ZC3H3: variants seen among roughly 807,000 people sequenced by gnomAD.
The protein encoded by ZC3H3 is zinc finger CCCH domain-containing protein 3.
ZC3H3 carries 36 observed loss-of-function variants against 77.3 expected under a neutral mutation model. The observed-to-expected ratio is 0.47, with a 90% CI of 0.36 to 0.61. The LOEUF is 0.61. Among genes scored for constraint, ZC3H3 ranks in the 20% least tolerant of loss-of-function variants. The probability of loss-of-function intolerance (pLI) is 0.00; values close to 1 mark genes in which losing one functional copy is unlikely to be tolerated. For synonymous variants in ZC3H3, 626 were observed against 555.2 expected (o/e 1.13, Z -1.79); for missense variants, 1,331 against 1,312.2 (o/e 1.01, Z -0.22).
rs1209998944 is a variant in ZC3H3 at position 143,538,068 on chromosome 8, C to T, written c.1299G>A (p.Glu433=). 4 of 1,612,854 alleles carry T rather than the reference C, an allele frequency of 2.5e-6. 1 individual carries two copies. The South Asian group carries it at 4.4e-5, about 18-fold the overall frequency. Reference sequence around the variant, plus strand: ...TCACTTTGTAAGCCGAGAGCGGGGTCTCCCCAGAGAGGGGCTTCAAGCCAC... The same window carrying T: ...TCACTTTGTAAGCCGAGAGCGGGGTTTCCCCAGAGAGGGGCTTCAAGCCAC... The part of the protein sequence containing the change: ...GHSGLKPLSG[E]TPLSAYKVKS... Residue 433 remains glutamate (E), a synonymous_variant, in exon 2 of 12, where the codon GAG becomes GAA. Transcript: ENST00000262577.
rs1352668304 is a variant in ZC3H3 at position 143,530,831 on chromosome 8, C to T, written c.1561+5426G>A. ...TCAGACTCCAAAAAGGTTTTCTTCT[C>T]TTCTGCCCAAATGCCCCCTCTAGCA... On this transcript the variant is annotated intron_variant, in intron 3 of 11. Transcript: ENST00000262577. This position sits in a 1 kb window ranked among gnomAD's most constrained non-coding sequence, Gnocchi z 4.3. Among the ~76,000 whole-genome samples, 1 of 152,144 alleles carries T rather than the reference C, an allele frequency of 6.6e-6. No homozygotes were observed. The highest frequency in any genetic ancestry group is 2.4e-5 in the African/African-American group (1 of 41,416).
chr8:143,478,384 G>A (rs559934632), intron 4 of ZC3H3, among the ~76,000 whole-genome samples: 601 of 152,306 alleles, frequency 3.9e-3, no homozygotes, highest in Non-Finnish European at 6.6e-3. Flanking sequence ...GAGGCATCAG[G>A]GCCTCTGGGG....
At chr8:143,472,083 C>G (rs887492677) in intron 5 of ZC3H3, among the ~76,000 whole-genome samples, 1 of 152,254 alleles carries the variant, frequency 6.6e-6, no homozygotes, top group Admixed American at 6.5e-5. Flanking sequence ...GGCGGGCCTC[C>G]CCAGGGGCAG....
chr8:143,485,958 G>A (rs1185862459), intron 4 of ZC3H3, among the ~76,000 whole-genome samples: 1 of 152,250 alleles, frequency 6.6e-6, no homozygotes, highest in Non-Finnish European at 1.5e-5. Context: ...CAAGGCCACG[G>A]GCCAGCCACA....
chr8:143,441,796 C>T (rs746126409), intron 9 of ZC3H3, among the ~76,000 whole-genome samples: 5 of 152,194 alleles, frequency 3.3e-5, no homozygotes, highest in Non-Finnish European at 5.9e-5. Flanking sequence ...CTTCCTCTGC[C>T]CACCCCTCCC....
At chr8:143,485,416 T>C (rs1168928897) in intron 4 of ZC3H3, among the ~76,000 whole-genome samples, 3 of 152,128 alleles carry the variant, frequency 2.0e-5, no homozygotes, top group African/African-American at 7.2e-5. Context: ...GAACAGCCCA[T>C]ACATCTGCTC....
intron 5 of ZC3H3, 103 bp from the exon 6 acceptor site, chr8:143,468,762 A>C: frequency 7.1e-7 from 1 of 1,412,078 alleles, no homozygotes; most frequent in Non-Finnish European, 9.4e-7. Flanking sequence ...CCCAACACTC[A>C]GCTCAGGCAC....
At chr8:143,465,656 T>C (rs1030494103) in intron 9 of ZC3H3, 61 bp downstream of exon 9, 15 of 1,596,330 alleles carry the variant, frequency 9.4e-6, no homozygotes, top group Non-Finnish European at 1.3e-5. Flanking sequence ...TACCCAGGAG[T>C]GAGCAGAGGA....
intron 3 of ZC3H3, among the ~76,000 whole-genome samples, chr8:143,535,037 C>T (rs1027693875): frequency 1.2e-4 from 18 of 152,000 alleles, no homozygotes; most frequent in Admixed American, 7.2e-4. Flanking sequence ...GATGACGGTA[C>T]GCTTGGCTGG....
chr8:143,486,499 G>A (rs915856225), intron 4 of ZC3H3, among the ~76,000 whole-genome samples: 24 of 152,192 alleles, frequency 1.6e-4, no homozygotes, highest in Admixed American at 3.3e-4. Context: ...GGCCAAACAC[G>A]TATAATCCCA....
intron 9 of ZC3H3, among the ~76,000 whole-genome samples, chr8:143,451,597 A>G (rs953954879): frequency 2.6e-5 from 4 of 152,000 alleles, no homozygotes; most frequent in African/African-American, 9.7e-5. Flanking sequence ...CAGCCTGGCC[A>G]ACATGGTGAC....
rs3058418 is a variant in ZC3H3, at chr8:143,530,956, C to CTTTT, written c.1561+5297_1561+5300dup. 3.7e-5 allele frequency among the ~76,000 whole-genome samples: 5 copies of CTTTT among 133,536 alleles called. No homozygotes were observed. The highest frequency in any genetic ancestry group is 6.4e-5 in the Non-Finnish European group (4 of 62,622). 87.6% of individuals were successfully genotyped at this position (133,536 alleles called of 152,430 possible). On this transcript the variant is annotated intron_variant, in intron 3 of 11. Coordinates refer to ENST00000262577, the MANE Select transcript of ZC3H3 (RefSeq NM_015117.3). The surrounding 1 kb of genome is among the most constrained non-coding windows in gnomAD (Gnocchi z 4.3). ...CCCTTCTGGGGCTGTCTTCTATCTCCTTTTTTTTTTTTTTTTTTTTTGAGA... is the reference window on the plus strand; with the variant it reads ...CCCTTCTGGGGCTGTCTTCTATCTCCTTTTTTTTTTTTTTTTTTTTTTTTTGAGA...
intron 9 of ZC3H3, among the ~76,000 whole-genome samples, chr8:143,448,852 A>G (rs1263228820): frequency 6.6e-6 from 1 of 152,262 alleles, no homozygotes; most frequent in Admixed American, 6.5e-5. Flanking sequence ...CTGCCTGGAC[A>G]TACAGGCTTT....
In ZC3H3 at chr8:143,440,216, TGAGGAGGAGGAG is replaced by T; in HGVS notation, c.2628_2639del (p.Ser878_Ser881del). 3 of 1,568,100 alleles carry T rather than the reference TGAGGAGGAGGAG, an allele frequency of 1.9e-6. No individual in the cohort carries two copies. Among genetic ancestry groups the T allele is most frequent in the South Asian group, 1.1e-5 (1 of 88,692 alleles). On this transcript the variant is annotated inframe_deletion, in exon 11 of 12. Transcript: ENST00000262577. ...CGTGGTCCAAGGAAGCGGGAGGGGA[TGAGGAGGAGGAG>T]GAGGAGGAGGAAGCCTTCGAGGATG... is the stretch of plus-strand genomic sequence containing the variant.
In ZC3H3 at chr8:143,440,169, G is replaced by A. The variant is rs1298651563; in HGVS notation, c.2687C>T (p.Ala896Val). ...LDHEAPSLQE[A>V]ALAAACSNRL... ...GTTGGAGCACGCTGCTGCTAAGGCA[G>A]CCTCCTGGAGAGATGGTGCCTCGTG... is the stretch of plus-strand genomic sequence containing the variant. Residue 896 changes from alanine to valine, a missense_variant, in exon 11 of 12, where the codon GCT (alanine) becomes GTT (valine). By Grantham distance (64) the Ala-to-Val change is moderately conservative (BLOSUM62 0). Transcript: ENST00000262577. 2 of 1,611,910 alleles carry A rather than the reference G, an allele frequency of 1.2e-6. No homozygotes were observed. The highest frequency in any genetic ancestry group is 2.7e-5 in the African/African-American group (2 of 74,926).
At chr8:143,476,789 C>T (rs1160711951) in intron 4 of ZC3H3, among the ~76,000 whole-genome samples, 4 of 152,238 alleles carry the variant, frequency 2.6e-5, no homozygotes, top group Non-Finnish European at 5.9e-5. Context: ...GCTCTACGCT[C>T]CCCATCCCAC....
rs1314817954 is a variant in ZC3H3, at chr8:143,440,222, G to A, written c.2634C>T (p.Ser878=). The A allele has an allele frequency of 8.8e-6, 14 of 1,597,442 alleles. No individual in the cohort carries two copies. Among genetic ancestry groups the A allele is most frequent in the Non-Finnish European group, 1.1e-5 (13 of 1,171,568 alleles). The change falls in exon 11 of 12, where the codon TCC becomes TCT. Residue 878 remains serine (S), a synonymous_variant. Transcript: ENST00000262577. ...CCAAGGAAGCGGGAGGGGATGAGGA[G>A]GAGGAGGAGGAGGAGGAAGCCTTCG... ...SSSKASSSSS[S]SSSPPASLDH... is the part of the protein sequence containing the mutation.
rs1286267944 is a variant in ZC3H3, at chr8:143,475,623, G to A, written c.1716-38C>T. On this transcript the variant is annotated intron_variant, in intron 4 of 11. Coordinates refer to ENST00000262577, the MANE Select transcript of ZC3H3 (RefSeq NM_015117.3). ...GAAATGCCCGTCAAACCTGGCCCCA[G>A]GACAGACTACAGCTCTGATGGTCAG... The A allele has an allele frequency of 4.6e-6, 7 of 1,535,890 alleles. No homozygotes were observed. The South Asian group carries it at 8.7e-5, about 19-fold the overall frequency.
chr8:143,484,176 G>A (rs1820985180), intron 4 of ZC3H3, among the ~76,000 whole-genome samples: 1 of 152,232 alleles, frequency 6.6e-6, no homozygotes, highest in Admixed American at 6.5e-5. Flanking sequence ...CGGCCCCTGG[G>A]CTGACTCGTG....
Sources: gnomAD v4.1 joint callset for allele counts (sites outside exome capture counted in the v4.1 genomes callset) on GRCh38, gnomAD v4.1.1 for gene constraint, Gnocchi (gnomAD v3.1) non-coding constraint, MANE v1.5 for transcripts, NCBI Gene and HGNC (gene_info 2026-07-23, HGNC 2026-07-21) for gene names.